SLC14A2: variants seen among roughly 807,000 people sequenced by gnomAD.
SLC14A2 encodes the protein urea transporter 2.
SLC14A2 carries 91 observed loss-of-function variants against 104.6 expected under a neutral mutation model. The ratio of observed to expected loss-of-function variants is 0.87; its 90% CI spans 0.73 to 1.04. The LOEUF (loss-of-function observed/expected upper bound fraction) is 1.04. SLC14A2 is among the 50% of genes least tolerant of loss of function. SLC14A2 has a pLI of 0.00. For synonymous variants in SLC14A2, 476 were observed against 466.4 expected (o/e 1.02, Z -0.27); for missense variants, 1,189 against 1,156.0 (o/e 1.03, Z -0.41).
chr18:45,381,952 A>T (rs1227836301), intron 1 of SLC14A2, among the ~76,000 whole-genome samples: 1 of 152,166 alleles, frequency 6.6e-6, no homozygotes, highest in African/African-American at 2.4e-5. Flanking sequence ...GCTGGGCTGA[A>T]AAACTACAAC....
At chr18:45,656,696 C>T (rs1298905256) in intron 10 of SLC14A2, among the ~76,000 whole-genome samples, 1 of 152,108 alleles carries the variant, frequency 6.6e-6, no homozygotes, top group African/African-American at 2.4e-5. Context: ...TCTCTTTAAC[C>T]TCATTTATGA....
chr18:45,216,863 G>A (rs553181291), intron 1 of SLC14A2, among the ~76,000 whole-genome samples: 13 of 152,084 alleles, frequency 8.5e-5, no homozygotes, highest in Admixed American at 7.2e-4. Flanking sequence ...CTTATCCTGG[G>A]GACATCCACA....
At chr18:45,170,414 A>G in the SLC14A2 span, among the ~76,000 whole-genome samples, 2 of 152,306 alleles carry the variant, frequency 1.3e-5, no homozygotes, top group African/African-American at 4.8e-5. Flanking sequence ...AAAGGAAGTT[A>G]AAGTAAAGAA....
At position 45,673,585 on chromosome 18, in the gene SLC14A2, A is replaced by C. The variant is rs949699820; in HGVS notation, c.2378-98A>C. 1.2e-5 allele frequency: 16 copies of C among 1,349,746 alleles called. No homozygotes were observed. The South Asian group carries it at 2.1e-4, about 18-fold the overall frequency. 83.6% of individuals were successfully genotyped at this position (1,349,746 alleles called of 1,614,324 possible). On this transcript the variant is annotated intron_variant, in intron 17 of 19. Transcript: ENST00000255226. ...TTTTGTATAACTACCTAAGAAGATA[A>C]CTGGCTCCGGGCTTTGAGGACTGTG...
At chr18:45,620,044 A>T (rs2045138971) in intron 1 of SLC14A2, among the ~76,000 whole-genome samples, 1 of 152,232 alleles carries the variant, frequency 6.6e-6, no homozygotes. Flanking sequence ...TGCTCTCCAC[A>T]GGGCCATTGG....
At chr18:45,209,447 A>C (rs2083943971), upstream of SLC14A2, among the ~76,000 whole-genome samples, 1 of 152,166 alleles carries the variant, frequency 6.6e-6, no homozygotes, top group Non-Finnish European at 1.5e-5. Context: ...GATTTATGAG[A>C]CTTTATTATG....
upstream of SLC14A2, among the ~76,000 whole-genome samples, chr18:45,212,254 A>G (rs144287756): frequency 1.2e-3 from 176 of 152,316 alleles, no homozygotes; most frequent in African/African-American, 4.0e-3. Context: ...CACAAACCAT[A>G]TTCCCTGGAG....
chr18:45,379,103 C>A (rs562929209), intron 1 of SLC14A2, among the ~76,000 whole-genome samples: 11 of 152,292 alleles, frequency 7.2e-5, no homozygotes, highest in African/African-American at 2.6e-4. Flanking sequence ...CTGGGGTGAC[C>A]TAACAGGACA....
intron 1 of SLC14A2, among the ~76,000 whole-genome samples, chr18:45,220,814 C>G (rs763986177): frequency 6.6e-6 from 1 of 152,140 alleles, no homozygotes; most frequent in Non-Finnish European, 1.5e-5. Context: ...TTGTGGTTCT[C>G]GAGGCTGGAA....
chr18:45,640,040 T>A (rs2045495171), intron 7 of SLC14A2, 147 bp downstream of exon 7: 2 of 751,736 alleles, frequency 2.7e-6, no homozygotes, highest in Non-Finnish European at 4.2e-6. Flanking sequence ...ATGCCTGTAA[T>A]CCCAGCACTT....
chr18:45,521,035 G>T (rs1195917762), intron 2 of SLC14A2, among the ~76,000 whole-genome samples: 2 of 152,158 alleles, frequency 1.3e-5, no homozygotes, highest in South Asian at 4.1e-4. Flanking sequence ...GGCAAGAGTA[G>T]TGTCTATGAC....
chr18:45,486,596 C>A (rs529440608), intron 2 of SLC14A2, among the ~76,000 whole-genome samples: 1 of 152,290 alleles, frequency 6.6e-6, no homozygotes, highest in Non-Finnish European at 1.5e-5. Flanking sequence ...TGGTCACCAG[C>A]TGAGAAGCAT....
At chr18:45,207,284 A>G in the SLC14A2 span, among the ~76,000 whole-genome samples, 1 of 150,998 alleles carries the variant, frequency 6.6e-6, no homozygotes, top group Admixed American at 6.6e-5. Flanking sequence ...TGAAGGAAAG[A>G]AGAGAAAGGT....
At chr18:45,500,060 A>G (rs2043166945) in intron 2 of SLC14A2, among the ~76,000 whole-genome samples, 1 of 152,180 alleles carries the variant, frequency 6.6e-6, no homozygotes, top group African/African-American at 2.4e-5. Context: ...TGGATAATAT[A>G]ATTATAAGAA....
At chr18:45,304,401 G>C (rs533874949) in intron 1 of SLC14A2, among the ~76,000 whole-genome samples, 1 of 152,248 alleles carries the variant, frequency 6.6e-6, no homozygotes, top group South Asian at 2.1e-4. Context: ...TTTGTGCTGT[G>C]GCCAGCAATG....
intron 2 of SLC14A2, among the ~76,000 whole-genome samples, chr18:45,486,910 G>A (rs979250315): frequency 5.9e-5 from 9 of 152,184 alleles, no homozygotes; most frequent in African/African-American, 2.2e-4. Context: ...CGTTTTACAG[G>A]TGAGAAAATT....
intron 1 of SLC14A2, among the ~76,000 whole-genome samples, chr18:45,410,559 C>T (rs1259114895): frequency 6.6e-6 from 1 of 152,138 alleles, no homozygotes; most frequent in African/African-American, 2.4e-5. Context: ...ATTGGGCACT[C>T]ACTACAGCCA....
In SLC14A2 at chr18:45,303,975, G is replaced by T. The variant is rs188881959; in HGVS notation, c.-125+90784G>T. On this transcript the variant is annotated intron_variant, in intron 1 of 20. Transcript: ENST00000586448. ...GTGGTGATGAATTAACAACTGAAGT[G>T]TTTTTCTAATTATTCGACAACCCAA... Among the ~76,000 whole-genome samples the T allele has an allele frequency of 4.9e-3, 739 of 152,220 alleles. 6 individuals carry two copies. Among genetic ancestry groups the T allele is most frequent in the African/African-American group, 0.016 (657 of 41,538 alleles).
intron 1 of SLC14A2, among the ~76,000 whole-genome samples, chr18:45,386,902 G>A (rs1457680814): frequency 6.6e-6 from 1 of 152,252 alleles, no homozygotes. Flanking sequence ...CACATGGTGA[G>A]CACAGGCAGT....
Sources: gnomAD v4.1 joint callset for allele counts (sites outside exome capture counted in the v4.1 genomes callset) on GRCh38, gnomAD v4.1.1 for gene constraint, MANE v1.5 for transcripts, NCBI Gene and HGNC (gene_info 2026-07-23, HGNC 2026-07-21) for gene names.